Variants in DMXL2 observed in about 807,000 individuals in gnomAD.
DMXL2 encodes the protein dmX-like protein 2.
Under a neutral mutation model 331.1 loss-of-function variants are expected in DMXL2, and 103 were observed. The ratio of observed to expected loss-of-function variants is 0.31; its 90% CI spans 0.27 to 0.37. DMXL2 has a LOEUF of 0.37. Among genes scored for constraint, DMXL2 ranks in the 10% least tolerant of loss-of-function variants. The pLI is 1.00. For missense variants in DMXL2, 3,171 were observed against 3,642.9 expected, an observed-to-expected ratio of 0.87 and a Z score of 3.33; for synonymous variants, 1,281 against 1,252.1, an observed-to-expected ratio of 1.02 and a Z score of -0.49.
chr15:51,588,635 A>C (rs1372662843), intron 1 of DMXL2, among the ~76,000 whole-genome samples: 1 of 152,248 alleles, frequency 6.6e-6, no homozygotes, highest in Non-Finnish European at 1.5e-5. Context: ...CATTTAATCT[A>C]AATGTTGATA....
intron 7 of DMXL2, among the ~76,000 whole-genome samples, 193 bp from the exon 8 acceptor site, chr15:51,545,959 A>C (rs1485433345): frequency 6.6e-6 from 1 of 152,196 alleles, no homozygotes; most frequent in Non-Finnish European, 1.5e-5. Context: ...TTTTGAAAAA[A>C]GAAACAGAAA....
intron 42 of DMXL2, chr15:51,450,781 C>A (rs2039064833): frequency 6.0e-6 from 1 of 166,548 alleles, no homozygotes; most frequent in African/African-American, 2.4e-5. Flanking sequence ...TTAAGAAGTT[C>A]ATTATCCTTC....
intron 1 of DMXL2, among the ~76,000 whole-genome samples, chr15:51,610,406 C>A (rs892506615): frequency 2.6e-5 from 4 of 152,124 alleles, no homozygotes; most frequent in Non-Finnish European, 5.9e-5. Context: ...TGATTAACAA[C>A]CTTGACCTAA....
At chr15:51,595,932 A>C (rs1395131720) in intron 1 of DMXL2, among the ~76,000 whole-genome samples, 1 of 152,208 alleles carries the variant, frequency 6.6e-6, no homozygotes, top group Non-Finnish European at 1.5e-5. Flanking sequence ...AGATGGATTA[A>C]AGACTTAAAT....
At position 51,568,539 on chromosome 15, in the gene DMXL2, T is replaced by A. The variant is rs1444860486; in HGVS notation, c.233A>T (p.Asn78Ile). 6 of 1,580,576 alleles carry A rather than the reference T, an allele frequency of 3.8e-6. No individual in the cohort carries two copies. In the African/African-American group the frequency reaches 8.3e-5, roughly 22 times the overall value. ...QQGRIAASYG[N>I]AVCIFEPLGI... is the part of the protein sequence containing the mutation. Reference sequence around the variant, plus strand: ...CAAGGGCTCAAATATACAAACAGCATTACCATATGAAGCTGCAATCTAAAA... The same window carrying A: ...CAAGGGCTCAAATATACAAACAGCAATACCATATGAAGCTGCAATCTAAAA... Residue 78 changes from asparagine (N) to isoleucine (I), a missense_variant, in exon 3 of 44, where the codon AAT (asparagine) becomes ATT (isoleucine). Asn to Ile is a moderately radical substitution (Grantham distance 149, BLOSUM62 -3). Coordinates refer to ENST00000560891, the MANE Select transcript of DMXL2 (RefSeq NM_001378457.1).
At chr15:51,463,519 C>T (rs750349101) in intron 32 of DMXL2, 23 bp from the exon 33 acceptor site, 3 of 1,337,436 alleles carry the variant, frequency 2.2e-6, no homozygotes, top group East Asian at 4.7e-5. Flanking sequence ...ATTAACATAT[C>T]ACACTACTTT....
intron 18 of DMXL2, among the ~76,000 whole-genome samples, chr15:51,495,776 A>G (rs1277956302): frequency 2.0e-5 from 3 of 152,172 alleles, no homozygotes; most frequent in Admixed American, 6.5e-5. Context: ...AAATACAGAC[A>G]GCACCTAGCC....
Position 51,481,277 on chromosome 15 carries a change from A to G in DMXL2, c.5829T>C (p.Asp1943=), listed in dbSNP as rs768886869. Reference sequence around the variant, plus strand: ...ATTCAATGCCAGAACTTCCATTGCCATCACTCAGAGCTTTTGAATGTGAAG... The same window carrying G: ...ATTCAATGCCAGAACTTCCATTGCCGTCACTCAGAGCTTTTGAATGTGAAG... ...DVPSHSKALS[D]GNGSSGIEWS... Residue 1943 remains aspartate, a synonymous_variant, in exon 24 of 44, where the codon GAT becomes GAC. Coordinates refer to ENST00000560891, the MANE Select transcript of DMXL2 (RefSeq NM_001378457.1). 6.8e-6 allele frequency: 11 copies of G among 1,613,408 alleles called. No homozygotes were observed. The highest frequency in any genetic ancestry group is 5.4e-5 in the African/African-American group (4 of 74,544).
chr15:51,542,533 T>G (rs375299602), intron 8 of DMXL2, 26 bp from the exon 9 acceptor site: 17 of 1,577,272 alleles, frequency 1.1e-5, no homozygotes, highest in African/African-American at 2.7e-5. Context: ...AGTTGCTGAG[T>G]CCAACTCTGG....
intron 31 of DMXL2, 122 bp from the exon 32 acceptor site, chr15:51,464,998 T>C (rs1159563873): frequency 1.1e-6 from 1 of 886,242 alleles, no homozygotes; most frequent in African/African-American, 1.7e-5. Flanking sequence ...CTGCAAATGT[T>C]AATGTAATAC....
chr15:51,469,469 GA>G (rs932058295), intron 29 of DMXL2, among the ~76,000 whole-genome samples: 3 of 151,598 alleles, frequency 2.0e-5, no homozygotes, highest in Admixed American at 6.6e-5. Context: ...AATGTTAACA[GA>G]AAAAAAACTA....
At chr15:51,541,563 T>C (rs182320922) in intron 9 of DMXL2, among the ~76,000 whole-genome samples, 218 of 152,236 alleles carry the variant, frequency 1.4e-3, no homozygotes, top group African/African-American at 5.1e-3. Context: ...CAGATCACCC[T>C]TTTAGAATTC....
intron 6 of DMXL2, among the ~76,000 whole-genome samples, chr15:51,561,517 C>T (rs2049970586): frequency 7.9e-6 from 1 of 126,600 alleles, no homozygotes; most frequent in Non-Finnish European, 1.8e-5. Flanking sequence ...GGCCCTTGGG[C>T]TCCCAGGCAG....
chr15:51,505,835 AT>A (rs1222130998), intron 16 of DMXL2, among the ~76,000 whole-genome samples: 1 of 152,238 alleles, frequency 6.6e-6, no homozygotes, highest in African/African-American at 2.4e-5. Flanking sequence ...ACATAATAAA[AT>A]CTTACAACTC....
intron 6 of DMXL2, among the ~76,000 whole-genome samples, chr15:51,550,768 T>C (rs545974830): frequency 6.6e-6 from 1 of 152,132 alleles, no homozygotes; most frequent in Non-Finnish European, 1.5e-5. Context: ...AACCAATTCT[T>C]AAACTAAAGA....
chr15:51,596,266 G>T (rs1474598196), intron 1 of DMXL2, among the ~76,000 whole-genome samples: 1 of 152,208 alleles, frequency 6.6e-6, no homozygotes, highest in African/African-American at 2.4e-5. Context: ...CGAAGGATAT[G>T]AACAGACACT....
chr15:51,454,933 T>C (rs1437832298), intron 40 of DMXL2, among the ~76,000 whole-genome samples: 1 of 152,174 alleles, frequency 6.6e-6, no homozygotes, highest in African/African-American at 2.4e-5. Context: ...ATTTTTAAAA[T>C]ATAAACTGTA....
intron 7 of DMXL2, 34 bp from the exon 8 acceptor site, chr15:51,545,800 T>C (rs755702116): frequency 1.9e-6 from 3 of 1,554,414 alleles, no homozygotes; most frequent in Non-Finnish European, 1.8e-6. Context: ...AAGGTTAATG[T>C]GAATATCAAT....
Position 51,563,344 on chromosome 15 carries a change from ATTTG to A in DMXL2, c.567+33_567+36del, listed in dbSNP as rs763430650. On this transcript the variant is annotated intron_variant, in intron 6 of 43. Coordinates refer to ENST00000560891, the MANE Select transcript of DMXL2 (RefSeq NM_001378457.1). ...AATAAGGAACATTTTAAATTCTTTT[ATTTG>A]TTTATTTCGTATGTTTTTGTTTGAT... is the stretch of plus-strand genomic sequence containing the variant. 97 of 1,463,062 alleles carry A rather than the reference ATTTG, an allele frequency of 6.6e-5. 4 individuals carry two copies. The South Asian group carries it at 1.1e-3, about 16-fold the overall frequency. The allele number at this position is 1,463,062 out of a possible 1,614,324, so 90.6% of individuals were successfully genotyped here.
Sources: gnomAD v4.1 joint callset for allele counts (sites outside exome capture counted in the v4.1 genomes callset) on GRCh38, gnomAD v4.1.1 for gene constraint, MANE v1.5 for transcripts, NCBI Gene and HGNC (gene_info 2026-07-23, HGNC 2026-07-21) for gene names.